OR2L13: variants seen among roughly 807,000 people sequenced by gnomAD.
OR2L13 encodes the protein olfactory receptor family 2 subfamily L member 13, also known as olfactory receptor 2L13.
OR2L13 carries 14 observed loss-of-function variants against 15.3 expected under a neutral mutation model. The observed-to-expected ratio is 0.91, with a 90% CI of 0.60 to 1.43. OR2L13 has a LOEUF of 1.43. Ranked by LOEUF, OR2L13 falls within the 40% of genes most tolerant of loss-of-function variation. The probability of loss-of-function intolerance (pLI) is 0.00; values close to 1 mark genes in which losing one functional copy is unlikely to be tolerated. For synonymous variants in OR2L13, 152 were observed against 142.9 expected, an observed-to-expected ratio of 1.06 and a Z score of -0.45; for missense variants, 367 against 387.9, an observed-to-expected ratio of 0.95 and a Z score of 0.45.
chr1:247,982,271 G>T, the OR2L13 span, among the ~76,000 whole-genome samples: 2 of 152,122 alleles, frequency 1.3e-5, no homozygotes, highest in Non-Finnish European at 2.9e-5. Context: ...CATCCTCCTT[G>T]GTTCCCAAGT....
At chr1:247,990,327 A>G in the OR2L13 span, 6 of 1,392,232 alleles carry the variant, frequency 4.3e-6, no homozygotes, top group East Asian at 1.4e-4. Context: ...GCCACCACCA[A>G]AAATTGGCCA....
At chr1:248,002,667 T>G in the OR2L13 span, among the ~76,000 whole-genome samples, 7 of 152,072 alleles carry the variant, frequency 4.6e-5, no homozygotes, top group African/African-American at 1.7e-4. Context: ...GACCATCCTG[T>G]GTAACACGGT....
chr1:247,953,188 G>C, the OR2L13 span, among the ~76,000 whole-genome samples: 1 of 152,122 alleles, frequency 6.6e-6, no homozygotes, highest in Non-Finnish European at 1.5e-5. Flanking sequence ...AATTCCTCTT[G>C]ATGGGGAAAT....
At chr1:247,960,694 T>C in the OR2L13 span, among the ~76,000 whole-genome samples, 5 of 152,214 alleles carry the variant, frequency 3.3e-5, no homozygotes, top group African/African-American at 1.2e-4. Context: ...CTCAGACTGC[T>C]GTGCTAGCAA....
the OR2L13 span, among the ~76,000 whole-genome samples, chr1:248,006,243 A>ATGTGTGTGTGTGTG: frequency 4.3e-5 from 6 of 139,628 alleles, no homozygotes; most frequent in Non-Finnish European, 9.4e-5. Context: ...ATTGCAAGAT[A>ATGTGTGTGTGTGTG]TGTGTGTGTG....
chr1:248,038,404 T>G, the OR2L13 span: 1 of 1,613,676 alleles, frequency 6.2e-7, no homozygotes, highest in African/African-American at 1.3e-5. Flanking sequence ...TCCATGATTC[T>G]TCTCATCTTT....
the OR2L13 span, chr1:247,990,714 G>A: frequency 3.9e-6 from 6 of 1,553,776 alleles, no homozygotes; most frequent in Non-Finnish European, 5.3e-6. Flanking sequence ...GATCTTGGAT[G>A]ATAGGCTCCA....
upstream of OR2L13, among the ~76,000 whole-genome samples, chr1:248,092,665 T>C (rs1664626907): frequency 6.6e-6 from 1 of 152,180 alleles, no homozygotes; most frequent in African/African-American, 2.4e-5. Flanking sequence ...CAAAACTTTA[T>C]TGTCACTAAG....
chr1:247,962,130 G>A, the OR2L13 span, among the ~76,000 whole-genome samples: 1 of 152,272 alleles, frequency 6.6e-6, no homozygotes, highest in East Asian at 1.9e-4. Context: ...AATATACTGA[G>A]TAAACTTAAA....
the OR2L13 span, among the ~76,000 whole-genome samples, chr1:248,026,109 GA>G: frequency 2.6e-5 from 4 of 152,018 alleles, no homozygotes; most frequent in African/African-American, 9.7e-5. Context: ...AATAAAAAAA[GA>G]AAAATCATTT....
the OR2L13 span, among the ~76,000 whole-genome samples, chr1:248,080,016 C>T: frequency 6.6e-6 from 1 of 152,140 alleles, no homozygotes; most frequent in Non-Finnish European, 1.5e-5. Context: ...AGAGTCAGCT[C>T]TCCCTCCCCA....
chr1:247,950,686 G>A, the OR2L13 span, among the ~76,000 whole-genome samples: 14 of 151,980 alleles, frequency 9.2e-5, no homozygotes, highest in Admixed American at 6.6e-4. Context: ...TCCTACCTAG[G>A]ACCTAAAAAT....
chr1:248,044,888 T>G, the OR2L13 span, among the ~76,000 whole-genome samples: 2 of 151,252 alleles, frequency 1.3e-5, no homozygotes, highest in East Asian at 3.9e-4. Flanking sequence ...TCCCTTTCTC[T>G]TCCTCCTTCA....
the OR2L13 span, among the ~76,000 whole-genome samples, chr1:247,950,218 T>C: frequency 1.3e-5 from 2 of 152,118 alleles, no homozygotes; most frequent in African/African-American, 4.8e-5. Flanking sequence ...AGCCATAAGA[T>C]GTTTTCTGTT....
the OR2L13 span, chr1:248,083,533 G>T: frequency 2.3e-6 from 2 of 859,790 alleles, no homozygotes; most frequent in Non-Finnish European, 3.7e-6. Flanking sequence ...TTATATCAAT[G>T]CACAAACTTA....
chr1:248,078,694 G>C, the OR2L13 span, among the ~76,000 whole-genome samples: 1 of 152,130 alleles, frequency 6.6e-6, no homozygotes, highest in African/African-American at 2.4e-5. Flanking sequence ...ACCTTCACTT[G>C]TAATAGCAAA....
chr1:247,983,237 A>G, the OR2L13 span, among the ~76,000 whole-genome samples: 18 of 152,298 alleles, frequency 1.2e-4, no homozygotes, highest in South Asian at 3.7e-3. Context: ...ATCTAATGGA[A>G]TTATGGAACA....
the OR2L13 span, among the ~76,000 whole-genome samples, chr1:247,947,949 C>T: frequency 6.6e-6 from 1 of 152,160 alleles, no homozygotes. Flanking sequence ...GGGTGGGGAG[C>T]TGTTGCCTGC....
At chr1:247,975,225 C>T in the OR2L13 span, 2 of 403,350 alleles carry the variant, frequency 5.0e-6, no homozygotes, top group African/African-American at 2.1e-5. Flanking sequence ...TTCATATATG[C>T]CCCATATCCC....
Sources: gnomAD v4.1 joint callset for allele counts (sites outside exome capture counted in the v4.1 genomes callset) on GRCh38, gnomAD v4.1.1 for gene constraint, MANE v1.5 for transcripts, NCBI Gene and HGNC (gene_info 2026-07-23, HGNC 2026-07-21) for gene names.